Variants in AK5 observed in about 807,000 individuals in gnomAD.
AK5 encodes adenylate kinase isoenzyme 5.
A neutral mutation model predicts 69.5 loss-of-function variants in AK5; 27 were observed. The ratio of observed to expected loss-of-function variants is 0.39; its 90% CI spans 0.29 to 0.54. The LOEUF (loss-of-function observed/expected upper bound fraction) is 0.54. Ranked by LOEUF, AK5 falls within the 20% of genes least tolerant of loss-of-function variation. The pLI, the probability that AK5 is intolerant of heterozygous loss-of-function variation, is 0.71. For missense variants in AK5, 531 were observed against 700.4 expected, an observed-to-expected ratio of 0.76 and a Z score of 2.73; for synonymous variants, 260 against 244.4, an observed-to-expected ratio of 1.06 and a Z score of -0.60.
At chr1:77,325,537 T>C (rs1660756076) in intron 5 of AK5, among the ~76,000 whole-genome samples, 1 of 152,146 alleles carries the variant, frequency 6.6e-6, no homozygotes, top group South Asian at 2.1e-4. Context: ...CAACATGCCA[T>C]ATGATCATGT....
At chr1:77,359,907 C>T (rs1366513397) in intron 6 of AK5, among the ~76,000 whole-genome samples, 3 of 151,976 alleles carry the variant, frequency 2.0e-5, no homozygotes, top group Non-Finnish European at 2.9e-5. Context: ...TTGTCAGAGC[C>T]GGGAATTGAA....
At chr1:77,347,721 C>A (rs1466670108) in intron 6 of AK5, among the ~76,000 whole-genome samples, 1 of 152,172 alleles carries the variant, frequency 6.6e-6, no homozygotes, top group Non-Finnish European at 1.5e-5. Context: ...CAAAGTATAT[C>A]ATCCACTGTC....
chr1:77,388,165 C>T (rs1001781190), intron 6 of AK5, among the ~76,000 whole-genome samples: 1 of 152,128 alleles, frequency 6.6e-6, no homozygotes, highest in African/African-American at 2.4e-5. Context: ...GGTTTGAATT[C>T]CTCTTATTCT....
chr1:77,367,573 A>AT (rs1432498300), intron 6 of AK5, among the ~76,000 whole-genome samples: 875 of 10,704 alleles, frequency 0.082, 125 homozygotes, highest in South Asian at 0.2. Context: ...ATATATATAT[A>AT]TATATAATAT....
intron 2 of AK5, among the ~76,000 whole-genome samples, chr1:77,291,116 C>A (rs893720427): frequency 6.6e-6 from 1 of 152,054 alleles, no homozygotes; most frequent in Non-Finnish European, 1.5e-5. Flanking sequence ...CTGAGGCAGA[C>A]AAAGAGGCTG....
At chr1:77,558,192 CAGGTTTCAGCTCATTT>C (rs1443899919) in intron 13 of AK5, among the ~76,000 whole-genome samples, 1 of 152,128 alleles carries the variant, frequency 6.6e-6, no homozygotes, top group African/African-American at 2.4e-5. Flanking sequence ...GGTAGATGTT[CAGGTTTCAGCTCATTT>C]GGGTAAACAC....
At chr1:77,393,804 G>C (rs1305406140) in intron 6 of AK5, among the ~76,000 whole-genome samples, 1 of 152,202 alleles carries the variant, frequency 6.6e-6, no homozygotes, top group Non-Finnish European at 1.5e-5. Flanking sequence ...ATTTGATCCA[G>C]GTGGTCTACC....
rs1263043028 is a variant in AK5 at position 77,367,851 on chromosome 1, T to TA, written c.891+27284dup. On this transcript the variant is annotated intron_variant, in intron 6 of 13. Transcript: ENST00000354567. ...TATAATATATGTTATATATATTATA[T>TA]ATAATATATAATATATGTGATATAT... Among the ~76,000 whole-genome samples, 2 of 2,736 alleles carry TA rather than the reference T, an allele frequency of 7.3e-4. 1 individual carries two copies. Among genetic ancestry groups the TA allele is most frequent in the Admixed American group, 0.015 (2 of 136 alleles). The allele number at this position is 2,736 out of a possible 152,430, so 1.8% of individuals were successfully genotyped here.
chr1:77,471,881 A>T (rs1375652573), intron 8 of AK5, among the ~76,000 whole-genome samples: 1 of 152,254 alleles, frequency 6.6e-6, no homozygotes, highest in Non-Finnish European at 1.5e-5. Context: ...TCGGCCTTGT[A>T]CAGCGGCCAG....
chr1:77,414,967 T>C (rs1050815865), intron 7 of AK5, among the ~76,000 whole-genome samples: 2 of 152,194 alleles, frequency 1.3e-5, no homozygotes, highest in African/African-American at 4.8e-5. Context: ...CTGATAATGA[T>C]ATCCTTTGTC....
chr1:77,417,845 A>C (rs895066026), intron 8 of AK5, 130 bp downstream of exon 8: 7 of 588,754 alleles, frequency 1.2e-5, no homozygotes, highest in African/African-American at 1.1e-4. Flanking sequence ...AACATATTAC[A>C]TGATAAATTA....
At chr1:77,371,097 A>G (rs748695457) in intron 6 of AK5, among the ~76,000 whole-genome samples, 11 of 152,024 alleles carry the variant, frequency 7.2e-5, no homozygotes, top group Non-Finnish European at 1.5e-4. Context: ...AAATATTTAC[A>G]CTCCCTTTCC....
intron 10 of AK5, among the ~76,000 whole-genome samples, chr1:77,516,076 A>G (rs550381299): frequency 6.6e-6 from 1 of 152,308 alleles, no homozygotes; most frequent in African/African-American, 2.4e-5. Context: ...CTCAAAGAAA[A>G]AAAAGAAAGA....
At chr1:77,360,090 A>G (rs756845291) in intron 6 of AK5, among the ~76,000 whole-genome samples, 2 of 152,224 alleles carry the variant, frequency 1.3e-5, no homozygotes, top group Non-Finnish European at 2.9e-5. Context: ...GGGCCAGCCC[A>G]TAGAAAGCAC....
chr1:77,448,115 G>C (rs551585023), intron 8 of AK5, among the ~76,000 whole-genome samples: 1 of 152,140 alleles, frequency 6.6e-6, no homozygotes, highest in Non-Finnish European at 1.5e-5. Context: ...TGTGGACAGC[G>C]GGTTGATGGC....
intron 6 of AK5, among the ~76,000 whole-genome samples, chr1:77,402,289 CATT>C (rs982570861): frequency 2.6e-5 from 4 of 151,674 alleles, no homozygotes; most frequent in African/African-American, 4.8e-5. Flanking sequence ...AAAACTTTTT[CATT>C]ATTATTATTA....
At position 77,388,748 on chromosome 1, in the gene AK5, G is replaced by GAA. The variant is rs5775396; in HGVS notation, c.892-22220_892-22219dup. Among the ~76,000 whole-genome samples, 1,334 of 143,606 alleles carry GAA rather than the reference G, an allele frequency of 9.3e-3. 14 individuals carry two copies. The highest frequency in any genetic ancestry group is 0.029 in the African/African-American group (1,156 of 39,462). 94.2% of individuals were successfully genotyped at this position (143,606 alleles called of 152,430 possible). On this transcript the variant is annotated intron_variant, in intron 6 of 13. Coordinates refer to ENST00000354567, the MANE Select transcript of AK5 (RefSeq NM_174858.3). ...CAATGTGGGAAGCATAAGCTCTATG[G>GAA]AAAAAAAAAAAAAAGATTAATTACA...
At chr1:77,446,347 C>T (rs1202155772) in intron 8 of AK5, among the ~76,000 whole-genome samples, 1 of 152,170 alleles carries the variant, frequency 6.6e-6, no homozygotes, top group East Asian at 1.9e-4. Flanking sequence ...AATATAATTT[C>T]AAATCAGGAA....
intron 8 of AK5, among the ~76,000 whole-genome samples, chr1:77,423,227 AAAATAAAAAAAAAAG>A (rs1222715444): frequency 3.0e-5 from 4 of 132,080 alleles, no homozygotes; most frequent in Non-Finnish European, 5.2e-5. Context: ...TCTAAAAAAA[AAAATAAAAAAAAAAG>A]AAGAACTACT....
Sources: allele counts gnomAD v4.1 joint callset (sites outside exome capture counted in the v4.1 genomes callset), GRCh38; gene constraint gnomAD v4.1.1; transcripts MANE v1.5; gene names NCBI Gene and HGNC (gene_info 2026-07-23, HGNC 2026-07-21).